FGF2: variants seen among roughly 807,000 people sequenced by gnomAD.
FGF2 encodes the protein basic fibroblast growth factor bFGF.
In FGF2, 13 loss-of-function variants were observed where a neutral mutation model predicts 15.9. The ratio of observed to expected loss-of-function variants is 0.82; its 90% CI spans 0.53 to 1.30. FGF2 has a LOEUF of 1.30. FGF2 is among the 50% of genes most tolerant of loss of function. The pLI, the probability that FGF2 is intolerant of heterozygous loss-of-function variation, is 0.00. For missense variants in FGF2, 163 were observed against 196.9 expected, an observed-to-expected ratio of 0.83 and a Z score of 1.03; for synonymous variants, 90 against 78.4, an observed-to-expected ratio of 1.15 and a Z score of -0.78.
At chr4:122,860,336 C>T (rs921892009) in intron 1 of FGF2, among the ~76,000 whole-genome samples, 1 of 151,756 alleles carries the variant, frequency 6.6e-6, no homozygotes, top group Admixed American at 6.6e-5. Context: ...TGTATGTTCT[C>T]CTAACTTTAA....
In FGF2 at chr4:122,894,049, A is replaced by G. The variant is rs1727273798; in HGVS notation, c.*1653A>G. The G allele has an allele frequency of 6.6e-6, 1 of 152,240 alleles. No homozygotes were observed. The highest frequency in any genetic ancestry group is 1.5e-5 in the Non-Finnish European group (1 of 68,034). 9.4% of individuals were successfully genotyped at this position (152,240 alleles called of 1,614,324 possible). ...TGGTGAAAAACATGCAAAGAAGAGG[A>G]AGTCACAGAAACATGTCTCAATTCC... On this transcript the variant is annotated 3_prime_UTR_variant, in exon 3 of 3. Transcript: ENST00000644866.
chr4:122,880,245 CTTTT>C (rs569559456), intron 2 of FGF2, among the ~76,000 whole-genome samples: 2 of 128,688 alleles, frequency 1.6e-5, no homozygotes, highest in Admixed American at 7.9e-5. Flanking sequence ...GCAGTCAAAT[CTTTT>C]TTTTTTTTTT....
At chr4:122,874,097 T>C (rs1726791528) in intron 1 of FGF2, among the ~76,000 whole-genome samples, 1 of 152,202 alleles carries the variant, frequency 6.6e-6, no homozygotes, top group African/African-American at 2.4e-5. Flanking sequence ...AAAGAAAGTA[T>C]AGCGATTGAT....
At chr4:122,835,927 T>C (rs1578450236) in intron 1 of FGF2, among the ~76,000 whole-genome samples, 1 of 152,208 alleles carries the variant, frequency 6.6e-6, no homozygotes, top group Non-Finnish European at 1.5e-5. Context: ...GAAAAATCCT[T>C]CTTTTTCTTA....
chr4:122,836,377 G>A (rs308404), intron 1 of FGF2, among the ~76,000 whole-genome samples: 12,329 of 152,008 alleles, frequency 0.081, 924 homozygotes, highest in South Asian at 0.2. Context: ...GTCTGTCCTC[G>A]TACCTTATCC....
chr4:122,841,310 T>A (rs1370474520), intron 1 of FGF2, among the ~76,000 whole-genome samples: 1 of 152,226 alleles, frequency 6.6e-6, no homozygotes, highest in Non-Finnish European at 1.5e-5. Flanking sequence ...TCCTGGCCCT[T>A]TACCCCAGAA....
At chr4:122,864,126 T>TA (rs1269538417) in intron 1 of FGF2, among the ~76,000 whole-genome samples, 7 of 151,626 alleles carry the variant, frequency 4.6e-5, no homozygotes, top group East Asian at 1.9e-4. Flanking sequence ...GTTGATACAT[T>TA]AAAAAAAAAT....
Position 122,877,532 on chromosome 4 carries a change from G to A in FGF2, c.282+1108G>A, listed in dbSNP as rs143035544. Among the ~76,000 whole-genome samples the A allele has an allele frequency of 3.5e-4, 54 of 152,310 alleles. No individual in the cohort carries two copies. The East Asian group carries it at 9.6e-3, about 27-fold the overall frequency. ...CAACTTCACCATTATTATTAGAAAC[G>A]GGACTGCATATCTGTTGAACATATG... is the stretch of plus-strand genomic sequence containing the variant. On this transcript the variant is annotated intron_variant, in intron 2 of 2. Transcript: ENST00000644866.
Position 122,898,052 on chromosome 4 carries a change from T to C in FGF2, c.*5656T>C, listed in dbSNP as rs1727418328. On this transcript the variant is annotated 3_prime_UTR_variant, in exon 3 of 3. Transcript: ENST00000644866. ...TCTTACAGATGCTGCTATAAATAAGTAGAAAATATAAATTTCATCACTAAA... is the reference window on the plus strand; with the variant it reads ...TCTTACAGATGCTGCTATAAATAAGCAGAAAATATAAATTTCATCACTAAA... 5.9e-6 allele frequency: 1 copy of C among 170,308 alleles called. No homozygotes were observed. The highest frequency in any genetic ancestry group is 6.1e-5 in the Admixed American group (1 of 16,464). 10.5% of individuals were successfully genotyped at this position (170,308 alleles called of 1,614,324 possible). A position where few individuals can be genotyped will look rare whatever the true frequency, so the allele number is the denominator to read the frequency against.
intron 1 of FGF2, among the ~76,000 whole-genome samples, chr4:122,829,547 A>AT (rs1158304402): frequency 6.6e-6 from 1 of 152,086 alleles, no homozygotes; most frequent in Admixed American, 6.5e-5. Context: ...GAGACTACCA[A>AT]TTTTTTTAAA....
At chr4:122,867,563 C>A (rs1238489260) in intron 1 of FGF2, among the ~76,000 whole-genome samples, 1 of 152,118 alleles carries the variant, frequency 6.6e-6, no homozygotes, top group African/African-American at 2.4e-5. Flanking sequence ...CCAGGCTGGT[C>A]TCAAACCCTG....
Position 122,892,690 on chromosome 4 carries a change from G to T in FGF2, c.*294G>T. 1.5e-6 allele frequency: 2 copies of T among 1,360,408 alleles called. No individual in the cohort carries two copies. The highest frequency in any genetic ancestry group is 1.9e-6 in the Non-Finnish European group (2 of 1,027,664). The allele number at this position is 1,360,408 out of a possible 1,614,324, so 84.3% of individuals were successfully genotyped here. The stretch of plus-strand genomic sequence containing the variant: ...ATTCGAAAAGAGGCTTTTAAAATGT[G>T]CATGTTTAGAAACAAAATTTCTTCA... On this transcript the variant is annotated 3_prime_UTR_variant, in exon 3 of 3. Coordinates refer to ENST00000644866, the MANE Select transcript of FGF2 (RefSeq NM_001361665.2).
chr4:122,833,956 C>T (rs1281522751), intron 1 of FGF2, among the ~76,000 whole-genome samples: 1 of 152,050 alleles, frequency 6.6e-6, no homozygotes, highest in Non-Finnish European at 1.5e-5. Context: ...ATTCTGATTT[C>T]CTTAAAAGTA....
intron 1 of FGF2, among the ~76,000 whole-genome samples, chr4:122,842,235 A>G (rs1461002537): frequency 6.6e-6 from 1 of 152,214 alleles, no homozygotes; most frequent in African/African-American, 2.4e-5. Context: ...TATGGAGTGC[A>G]TCTTTCCTCC....
At chr4:122,885,395 T>C (rs540237578) in intron 2 of FGF2, among the ~76,000 whole-genome samples, 1 of 152,222 alleles carries the variant, frequency 6.6e-6, no homozygotes, top group Non-Finnish European at 1.5e-5. Context: ...TATATATGAA[T>C]CATCTGTATT....
intron 1 of FGF2, among the ~76,000 whole-genome samples, chr4:122,846,407 T>C (rs897651138): frequency 1.3e-5 from 2 of 152,346 alleles, no homozygotes; most frequent in African/African-American, 2.4e-5. Context: ...TTAAAAATCA[T>C]AGTATCTGTG....
In FGF2 at chr4:122,866,378, A is replaced by AAT. The variant is rs1553948984; in HGVS notation, c.179-9942_179-9941insTA. Among the ~76,000 whole-genome samples, 635 of 151,636 alleles carry AAT rather than the reference A, an allele frequency of 4.2e-3. 2 individuals are homozygous for AAT. Among genetic ancestry groups the AAT allele is most frequent in the African/African-American group, 0.014 (579 of 41,406 alleles). ...GCGAGACTCCGTCTCAAAAAAAAAA[A>AAT]AAATAAATAAAAGTAAGTGAAAAGA... On this transcript the variant is annotated intron_variant, in intron 1 of 2. Transcript: ENST00000644866.
intron 1 of FGF2, among the ~76,000 whole-genome samples, chr4:122,836,098 A>G (rs1191875179): frequency 6.6e-6 from 1 of 152,218 alleles, no homozygotes; most frequent in African/African-American, 2.4e-5. Context: ...GTCTGAACAC[A>G]GAACTTCATG....
At position 122,827,527 on chromosome 4, in the gene FGF2, G is replaced by A. The variant is rs1355201310; in HGVS notation, c.178+175G>A. Among the ~76,000 whole-genome samples the A allele has an allele frequency of 1.3e-5, 2 of 152,056 alleles. No homozygotes were observed. Among genetic ancestry groups the A allele is most frequent in the African/African-American group, 4.8e-5 (2 of 41,418 alleles). On this transcript the variant is annotated intron_variant, in intron 1 of 2. Coordinates refer to ENST00000644866, the MANE Select transcript of FGF2 (RefSeq NM_001361665.2). This position sits in a 1 kb window ranked among gnomAD's most constrained non-coding sequence, Gnocchi z 4.2. ...GTTCACCACTCACCCCCTCCTTTCCGGGCTGCGGCGTAGGCCCGGGTGTCC... is the reference window on the plus strand; with the variant it reads ...GTTCACCACTCACCCCCTCCTTTCCAGGCTGCGGCGTAGGCCCGGGTGTCC...
Sources: allele counts gnomAD v4.1 joint callset (sites outside exome capture counted in the v4.1 genomes callset), GRCh38; gene constraint gnomAD v4.1.1; non-coding constraint Gnocchi (gnomAD v3.1); transcripts MANE v1.5; gene names NCBI Gene and HGNC (gene_info 2026-07-23, HGNC 2026-07-21).